The following DLG2 variants were observed in gnomAD, a reference collection of about 807,000 sequenced individuals.
DLG2 encodes discs large MAGUK scaffold protein 2.
In DLG2, 45 loss-of-function variants were observed where a neutral mutation model predicts 132.5. The observed-to-expected ratio is 0.34, with a 90% CI of 0.27 to 0.44. DLG2 has a LOEUF of 0.44. Ranked by LOEUF, DLG2 falls within the 20% of genes least tolerant of loss-of-function variation. The pLI is 1.00. For missense variants in DLG2, 1,045 were observed against 1,196.9 expected (o/e 0.87, Z 1.87); for synonymous variants, 424 against 419.6 (o/e 1.01, Z -0.13).
At chr11:83,590,803 G>C (rs1397775474) in intron 19 of DLG2, among the ~76,000 whole-genome samples, 1 of 152,018 alleles carries the variant, frequency 6.6e-6, no homozygotes, top group Non-Finnish European at 1.5e-5. Context: ...AAATGATAAA[G>C]GGGATATCAC....
chr11:83,726,573 C>T (rs1241675458), intron 18 of DLG2, among the ~76,000 whole-genome samples: 1 of 152,080 alleles, frequency 6.6e-6, no homozygotes, highest in African/African-American at 2.4e-5. Context: ...GGCAGGAAGG[C>T]AGGTATTCAA....
chr11:84,600,196 GAA>G (rs1225064081), intron 6 of DLG2, among the ~76,000 whole-genome samples: 1 of 135,948 alleles, frequency 7.4e-6, no homozygotes, highest in African/African-American at 3.2e-5. Context: ...AAGAAAGAAA[GAA>G]AGAAAGAAAG....
At chr11:85,122,959 A>ATTATATATAT (rs1468892723) in intron 5 of DLG2, among the ~76,000 whole-genome samples, 1 of 51,488 alleles carries the variant, frequency 1.9e-5, no homozygotes, top group African/African-American at 7.3e-5. Context: ...TTATATATAT[A>ATTATATATAT]TATATATATA....
chr11:85,051,118 T>C (rs1242984843), intron 6 of DLG2, among the ~76,000 whole-genome samples: 2 of 152,150 alleles, frequency 1.3e-5, no homozygotes, highest in African/African-American at 4.8e-5. Context: ...ATTTTCACAT[T>C]CTTCAGGTAA....
intron 2 of DLG2, among the ~76,000 whole-genome samples, chr11:85,610,255 G>T (rs79992763): frequency 0.11 from 17,185 of 152,082 alleles, 1,208 homozygotes; most frequent in East Asian, 0.29. Flanking sequence ...AGCAGTGACT[G>T]CAACACCCCA....
At chr11:83,840,642 G>T (rs1327052671) in intron 16 of DLG2, among the ~76,000 whole-genome samples, 1 of 152,132 alleles carries the variant, frequency 6.6e-6, no homozygotes, top group Non-Finnish European at 1.5e-5. Flanking sequence ...GATAAGCCAA[G>T]AATCTAGATA....
At chr11:85,307,222 C>T (rs1290371170) in intron 3 of DLG2, among the ~76,000 whole-genome samples, 1 of 152,014 alleles carries the variant, frequency 6.6e-6, no homozygotes, top group Non-Finnish European at 1.5e-5. Flanking sequence ...AAAACAACAC[C>T]ACCAAAAATG....
intron 4 of DLG2, among the ~76,000 whole-genome samples, chr11:85,191,885 T>A (rs1354466684): frequency 6.6e-6 from 1 of 152,228 alleles, no homozygotes; most frequent in Non-Finnish European, 1.5e-5. Flanking sequence ...TGGCTATTAT[T>A]ATTTTCATAT....
intron 7 of DLG2, among the ~76,000 whole-genome samples, chr11:84,501,649 C>T (rs2099205917): frequency 6.6e-6 from 1 of 152,086 alleles, no homozygotes; most frequent in South Asian, 2.1e-4. Flanking sequence ...TTGTGAGAAA[C>T]AGTCAGGTAT....
chr11:84,132,073 C>T (rs1226582213), intron 9 of DLG2, among the ~76,000 whole-genome samples: 2 of 151,768 alleles, frequency 1.3e-5, no homozygotes, highest in African/African-American at 4.8e-5. Context: ...ATTTTGATGT[C>T]TCACATGAAG....
intron 14 of DLG2, among the ~76,000 whole-genome samples, chr11:83,946,585 TC>T (rs2084016251): frequency 6.6e-6 from 1 of 151,712 alleles, no homozygotes; most frequent in Non-Finnish European, 1.5e-5. Context: ...ATTAACTCTT[TC>T]GGTACTATAG....
chr11:84,943,570 T>C (rs2049781415), intron 6 of DLG2, among the ~76,000 whole-genome samples: 2 of 152,204 alleles, frequency 1.3e-5, no homozygotes, highest in Admixed American at 1.3e-4. Context: ...TTTCAACTGA[T>C]GACAACACAA....
intron 6 of DLG2, among the ~76,000 whole-genome samples, chr11:85,056,427 C>T (rs1476496053): frequency 2.0e-5 from 3 of 151,818 alleles, no homozygotes; most frequent in Admixed American, 6.6e-5. Context: ...AAGAGAGTGG[C>T]AGTAAACCAG....
intron 3 of DLG2, among the ~76,000 whole-genome samples, chr11:85,336,948 G>C (rs981925437): frequency 6.6e-6 from 1 of 152,184 alleles, no homozygotes; most frequent in Non-Finnish European, 1.5e-5. Flanking sequence ...GCTTTAGGAA[G>C]TACTGGCTTC....
intron 6 of DLG2, among the ~76,000 whole-genome samples, chr11:85,002,757 C>T (rs886182097): frequency 2.0e-5 from 3 of 151,872 alleles, no homozygotes; most frequent in South Asian, 2.1e-4. Context: ...CTGAGTGTGC[C>T]GCTTCTCCTG....
At chr11:85,232,914 A>G (rs2075376659) in intron 4 of DLG2, among the ~76,000 whole-genome samples, 2 of 151,910 alleles carry the variant, frequency 1.3e-5, no homozygotes, top group South Asian at 4.1e-4. Context: ...TTATTTGGTG[A>G]CCCAGATGAC....
intron 18 of DLG2, among the ~76,000 whole-genome samples, chr11:83,724,520 A>AGAGAGG (rs1209155372): frequency 6.8e-6 from 1 of 147,838 alleles, no homozygotes; most frequent in African/African-American, 2.5e-5. Context: ...AGAGAGAGAG[A>AGAGAGG]GAATATCAAG....
At chr11:83,959,193 G>A (rs1452992872) in intron 14 of DLG2, among the ~76,000 whole-genome samples, 2 of 151,954 alleles carry the variant, frequency 1.3e-5, no homozygotes, top group Admixed American at 6.6e-5. Context: ...AGTTTATGCA[G>A]GTGTACATTT....
chr11:84,516,756 T>A (rs922765982), intron 7 of DLG2, among the ~76,000 whole-genome samples: 5 of 150,686 alleles, frequency 3.3e-5, no homozygotes, highest in Middle Eastern at 3.4e-3. Context: ...GAACATGATA[T>A]ATAAAAAAAA....
Sources: allele counts gnomAD v4.1 joint callset (sites outside exome capture counted in the v4.1 genomes callset), GRCh38; gene constraint gnomAD v4.1.1; transcripts MANE v1.5; gene names NCBI Gene and HGNC (gene_info 2026-07-23, HGNC 2026-07-21).